ZNF638: variants seen among roughly 807,000 people sequenced by gnomAD.
ZNF638 encodes zinc finger protein 638, also known as CTCL tumor antigen se33-1.
In ZNF638, 46 loss-of-function variants were observed where a neutral mutation model predicts 195.6. That is an observed-to-expected ratio of 0.24 (90% CI 0.19 to 0.30). The LOEUF (loss-of-function observed/expected upper bound fraction) is 0.30. Ranked by LOEUF, ZNF638 falls within the 10% of genes least tolerant of loss-of-function variation. The pLI is 1.00. For missense variants in ZNF638, 2,440 were observed against 2,325.3 expected (o/e 1.05, Z -1.01); for synonymous variants, 845 against 772.0 (o/e 1.09, Z -1.57).
chr2:71,385,128 C>T (rs533203774), intron 10 of ZNF638, among the ~76,000 whole-genome samples: 6 of 152,214 alleles, frequency 3.9e-5, no homozygotes, highest in Non-Finnish European at 5.9e-5. Flanking sequence ...ATAAAAAATA[C>T]TGATAGCACC....
At chr2:71,335,588 T>C (rs1221422973) in intron 1 of ZNF638, among the ~76,000 whole-genome samples, 2 of 152,176 alleles carry the variant, frequency 1.3e-5, no homozygotes, top group African/African-American at 4.8e-5. Context: ...TTTAAACATA[T>C]ACAAAAGTAG....
At chr2:71,358,401 C>T (rs535252347) in intron 3 of ZNF638, among the ~76,000 whole-genome samples, 2 of 152,152 alleles carry the variant, frequency 1.3e-5, no homozygotes, top group African/African-American at 4.8e-5. Flanking sequence ...ATCGCTCTCT[C>T]GTCTGGGCCT....
intron 13 of ZNF638, 143 bp from the exon 14 acceptor site, chr2:71,399,968 GT>G: frequency 1.6e-6 from 1 of 622,844 alleles, no homozygotes; most frequent in East Asian, 3.1e-5. Context: ...GCTGTCTTTT[GT>G]TTTTCAAAGA....
intron 10 of ZNF638, chr2:71,395,280 C>T (rs1004936828): frequency 1.5e-5 from 11 of 717,130 alleles, no homozygotes; most frequent in African/African-American, 7.0e-5. Context: ...GTAATCGCTA[C>T]GCCTGACAAA....
At position 71,427,264 on chromosome 2, in the gene ZNF638, A is replaced by G; in HGVS notation, c.5395A>G (p.Asn1799Asp). Residue 1799 changes from asparagine (N) to aspartate (D), a missense_variant, in exon 24 of 28, where the codon AAT becomes GAT. Physicochemically the swap from Asn to Asp is conservative, Grantham distance 23. Coordinates refer to ENST00000264447, the MANE Select transcript of ZNF638 (RefSeq NM_014497.5). ...DLKVELAQSK[N>D]DHPTDKKGNR... is the part of the protein sequence containing the mutation. ...AAAAGTTGAGTTAGCACAAAGCAAA[A>G]ATGACCATCCCACAGATAAAAAAGG... 1 of 1,613,540 alleles carries G rather than the reference A, an allele frequency of 6.2e-7. No individual in the cohort carries two copies. Among genetic ancestry groups the G allele is most frequent in the East Asian group, 2.2e-5 (1 of 44,868 alleles).
At chr2:71,433,315 GTGT>G (rs781571151) in intron 27 of ZNF638, 32 bp downstream of exon 27, 5 of 1,466,930 alleles carry the variant, frequency 3.4e-6, no homozygotes, top group Non-Finnish European at 4.8e-6. Flanking sequence ...AAATCTTGAG[GTGT>G]TGTTATTGTC....
At chr2:71,421,415 A>G (rs1348377368) in intron 21 of ZNF638, among the ~76,000 whole-genome samples, 1 of 152,148 alleles carries the variant, frequency 6.6e-6, no homozygotes, top group African/African-American at 2.4e-5. Context: ...AATGGATAGA[A>G]TATATATTGA....
At chr2:71,398,978 T>A (rs749719562) in intron 12 of ZNF638, among the ~76,000 whole-genome samples, 2 of 152,186 alleles carry the variant, frequency 1.3e-5, no homozygotes, top group Non-Finnish European at 2.9e-5. Context: ...TATATAAAGC[T>A]ATATAACTGT....
chr2:71,428,838 A>G (rs2080594722), intron 25 of ZNF638, 187 bp downstream of exon 25: 1 of 452,288 alleles, frequency 2.2e-6, no homozygotes, highest in Non-Finnish European at 4.0e-6. Context: ...TGGATTATTG[A>G]TATTAGAATG....
At chr2:71,339,149 GGTTT>G in intron 1 of ZNF638, among the ~76,000 whole-genome samples, 1 of 88,358 alleles carries the variant, frequency 1.1e-5, no homozygotes, top group South Asian at 4.5e-4. Flanking sequence ...AGTCGGTTTA[GGTTT>G]TTTTTTTTTT....
chr2:71,354,773 C>T (rs987950708), intron 2 of ZNF638, among the ~76,000 whole-genome samples: 11 of 151,192 alleles, frequency 7.3e-5, no homozygotes, highest in African/African-American at 1.9e-4. Context: ...AGAAGCATTT[C>T]GTTAATTGTA....
At chr2:71,385,669 G>T (rs958421637) in intron 10 of ZNF638, among the ~76,000 whole-genome samples, 8 of 152,170 alleles carry the variant, frequency 5.3e-5, no homozygotes, top group Non-Finnish European at 8.8e-5. Context: ...TTGGTAGATT[G>T]TATCAATTGT....
In ZNF638 at chr2:71,349,435, C is replaced by T; in HGVS notation, c.481C>T (p.Pro161Ser). 6.2e-7 allele frequency: 1 copy of T among 1,614,090 alleles called. No individual in the cohort carries two copies. Among genetic ancestry groups the T allele is most frequent in the Non-Finnish European group, 8.5e-7 (1 of 1,180,014 alleles). ...AGACCTAGAAGAACTTAGTCGCTAT[C>T]CTGATGAACAACTAACTCCTGAAAA... is the stretch of plus-strand genomic sequence containing the variant. ...NEDLEELSRY[P>S]DEQLTPENMP... The change falls in exon 2 of 28, where the codon CCT becomes TCT. Residue 161 changes from proline to serine, a missense_variant. By Grantham distance (74) the Pro-to-Ser change is moderately conservative (BLOSUM62 -1). This residue lies in a region of ZNF638 where 24 missense variants were observed against 53.1 expected (regional missense o/e 0.45). Transcript: ENST00000264447.
At chr2:71,375,932 T>C (rs2079414315) in intron 8 of ZNF638, 1 of 152,244 alleles carries the variant, frequency 6.6e-6, no homozygotes, top group Admixed American at 6.5e-5. Context: ...TACTAGTGAC[T>C]GTCCAGAAAG....
chr2:71,357,661 G>T (rs2079045694), intron 3 of ZNF638, among the ~76,000 whole-genome samples: 1 of 152,176 alleles, frequency 6.6e-6, no homozygotes, highest in African/African-American at 2.4e-5. Context: ...CTTTAGTGTA[G>T]GTAAGCCTAT....
At chr2:71,418,728 G>C in intron 21 of ZNF638, 89 bp downstream of exon 21, 1 of 858,932 alleles carries the variant, frequency 1.2e-6, no homozygotes, top group East Asian at 2.8e-5. Context: ...CTCACATGTA[G>C]TGAAAAGTTC....
chr2:71,405,681 A>G (rs1355213110), intron 18 of ZNF638, 39 bp downstream of exon 18: 1 of 1,354,464 alleles, frequency 7.4e-7, no homozygotes, highest in Non-Finnish European at 1.0e-6. Flanking sequence ...TACTTATTTA[A>G]TTGATGGAAA....
At position 71,369,340 on chromosome 2, in the gene ZNF638, A is replaced by G. The variant is rs542831345; in HGVS notation, c.2143-543A>G. Among the ~76,000 whole-genome samples the G allele has an allele frequency of 3.4e-3, 517 of 151,668 alleles. 7 individuals carry two copies. The highest frequency in any genetic ancestry group is 0.012 in the African/African-American group (480 of 41,246). ...TCCGTCTCAAAAAAAAAAAAAAAAA[A>G]AAGTTTTGTGAGTTAAGGCTGGGTG... On this transcript the variant is annotated intron_variant, in intron 7 of 27. Transcript: ENST00000264447.
At chr2:71,388,877 T>G (rs1197256192) in intron 10 of ZNF638, among the ~76,000 whole-genome samples, 1 of 152,156 alleles carries the variant, frequency 6.6e-6, no homozygotes, top group Non-Finnish European at 1.5e-5. Context: ...TTTCACAGGC[T>G]CAGTTAAGGG....
Sources: allele counts gnomAD v4.1 joint callset (sites outside exome capture counted in the v4.1 genomes callset), GRCh38; gene constraint gnomAD v4.1.1; regional missense constraint gnomAD v4.1.1; transcripts MANE v1.5; gene names NCBI Gene and HGNC (gene_info 2026-07-23, HGNC 2026-07-21).